The following LRMDA variants were observed in gnomAD, a reference collection of about 807,000 sequenced individuals.
LRMDA encodes leucine-rich melanocyte differentiation-associated protein.
LRMDA carries 18 observed loss-of-function variants against 29.8 expected under a neutral mutation model. The ratio of observed to expected loss-of-function variants is 0.60; its 90% confidence interval spans 0.42 to 0.90. LRMDA has a LOEUF of 0.90. Ranked by LOEUF, LRMDA falls within the 40% of genes least tolerant of loss-of-function variation. LRMDA has a pLI of 0.00. For missense variants in LRMDA, 273 were observed against 273.9 expected (o/e 1.00, Z 0.02); for synonymous variants, 125 against 109.4 (o/e 1.14, Z -0.89).
chr10:76,543,539 C>T (rs530030114), intron 6 of LRMDA, among the ~76,000 whole-genome samples: 34 of 152,228 alleles, frequency 2.2e-4, no homozygotes, highest in Non-Finnish European at 3.4e-4. Flanking sequence ...AGTTGGTTTA[C>T]TGATTGATTA....
chr10:75,557,740 A>G (rs1840232698), intron 2 of LRMDA, among the ~76,000 whole-genome samples: 1 of 152,078 alleles, frequency 6.6e-6, no homozygotes, highest in Non-Finnish European at 1.5e-5. Context: ...CCCAGCTGCG[A>G]TTTGTCCACC....
chr10:76,258,027 T>C (rs369428849), intron 5 of LRMDA, among the ~76,000 whole-genome samples: 18 of 152,246 alleles, frequency 1.2e-4, no homozygotes, highest in African/African-American at 3.6e-4. Context: ...TTGTATAACA[T>C]TTGTTAATGA....
intron 2 of LRMDA, among the ~76,000 whole-genome samples, chr10:76,001,305 T>C (rs539187744): frequency 6.6e-6 from 1 of 152,286 alleles, no homozygotes; most frequent in East Asian, 1.9e-4. Context: ...AGGCTGGATT[T>C]CCCACTAGCA....
At chr10:76,325,361 C>A (rs1840821226) in intron 6 of LRMDA, among the ~76,000 whole-genome samples, 2 of 152,256 alleles carry the variant, frequency 1.3e-5, no homozygotes, top group Non-Finnish European at 2.9e-5. Flanking sequence ...GTGGCTTGGA[C>A]CTGTGTTGCC....
chr10:75,972,715 G>A (rs929705651), intron 2 of LRMDA, among the ~76,000 whole-genome samples: 9 of 152,250 alleles, frequency 5.9e-5, no homozygotes, highest in African/African-American at 2.2e-4. Context: ...AAATACATGA[G>A]AGATCGGAGA....
rs962314463 is a variant in LRMDA at position 75,974,517 on chromosome 10, T to C, written c.132-61491T>C. Among the ~76,000 whole-genome samples the C allele has an allele frequency of 2.4e-4, 37 of 152,206 alleles. 1 individual carries two copies. Among genetic ancestry groups the C allele is most frequent in the East Asian group, 1.9e-4 (1 of 5,202 alleles). On this transcript the variant is annotated intron_variant, in intron 2 of 6. Transcript: ENST00000611255. ...CACCTAACTCATAGGGTTGCTGTTA[T>C]TGATAATCATGATTATTGCTTTTAT...
At chr10:76,488,051 A>G (rs1473807348) in intron 6 of LRMDA, among the ~76,000 whole-genome samples, 1 of 151,894 alleles carries the variant, frequency 6.6e-6, no homozygotes, top group Non-Finnish European at 1.5e-5. Context: ...CAGATTTTTT[A>G]AAATGCTGTT....
chr10:76,384,612 T>C (rs1841638031), intron 6 of LRMDA, among the ~76,000 whole-genome samples: 1 of 152,216 alleles, frequency 6.6e-6, no homozygotes, highest in Non-Finnish European at 1.5e-5. Context: ...GCTGTTTTCT[T>C]TGAGGCCAGT....
intron 5 of LRMDA, among the ~76,000 whole-genome samples, chr10:76,146,200 A>T (rs1260992579): frequency 6.6e-6 from 1 of 152,116 alleles, no homozygotes; most frequent in Non-Finnish European, 1.5e-5. Context: ...GTAGATTTCT[A>T]TTAGGTCCAC....
intron 5 of LRMDA, among the ~76,000 whole-genome samples, chr10:76,147,477 C>T (rs1403480178): frequency 5.3e-5 from 8 of 152,208 alleles, no homozygotes; most frequent in African/African-American, 7.2e-5. Context: ...TTGATGGCAT[C>T]GGCTACTGAG....
chr10:76,116,423 A>G (rs1849668766), intron 5 of LRMDA, among the ~76,000 whole-genome samples: 1 of 152,192 alleles, frequency 6.6e-6, no homozygotes, highest in African/African-American at 2.4e-5. Flanking sequence ...AGGTTCAGAG[A>G]AGGTAATGAC....
intron 6 of LRMDA, among the ~76,000 whole-genome samples, chr10:76,478,412 G>C (rs1476555806): frequency 1.3e-5 from 2 of 152,156 alleles, no homozygotes; most frequent in Non-Finnish European, 2.9e-5. Context: ...TGCTGGAGAG[G>C]ATGTGGAGAA....
At chr10:76,305,701 G>A (rs1453391659) in intron 5 of LRMDA, among the ~76,000 whole-genome samples, 1 of 152,158 alleles carries the variant, frequency 6.6e-6, no homozygotes, top group African/African-American at 2.4e-5. Context: ...TATGATACTT[G>A]ATTAGTCATT....
At chr10:75,445,544 T>C (rs1844382430) in intron 2 of LRMDA, among the ~76,000 whole-genome samples, 1 of 136,158 alleles carries the variant, frequency 7.3e-6, no homozygotes, top group Non-Finnish European at 1.6e-5. Context: ...CCTTTGTTAA[T>C]TAGTAAAGAT....
At chr10:75,902,974 G>C (rs1199187316) in intron 2 of LRMDA, among the ~76,000 whole-genome samples, 1 of 152,138 alleles carries the variant, frequency 6.6e-6, no homozygotes, top group African/African-American at 2.4e-5. Context: ...AGTCTGGCAG[G>C]GGGCATCAGT....
intron 5 of LRMDA, among the ~76,000 whole-genome samples, chr10:76,170,651 A>G (rs1850818293): frequency 6.6e-6 from 1 of 152,228 alleles, no homozygotes. Context: ...TTATTACTGG[A>G]GCATAAGTAA....
At chr10:75,944,220 A>G (rs902138527) in intron 2 of LRMDA, among the ~76,000 whole-genome samples, 16 of 152,188 alleles carry the variant, frequency 1.1e-4, no homozygotes, top group Non-Finnish European at 1.9e-4. Context: ...AGCAGTTTAC[A>G]GAGGCCATTC....
intron 6 of LRMDA, among the ~76,000 whole-genome samples, chr10:76,325,714 A>T (rs1160490977): frequency 6.6e-6 from 1 of 152,206 alleles, no homozygotes; most frequent in East Asian, 1.9e-4. Context: ...AATAAGTTGC[A>T]TAGAAACTGA....
At position 75,624,766 on chromosome 10, in the gene LRMDA, C is replaced by T. The variant is rs117288544; in HGVS notation, c.131+186272C>T. 6.6e-4 allele frequency among the ~76,000 whole-genome samples: 101 copies of T among 152,270 alleles called. 1 individual carries two copies. The East Asian group carries it at 0.017, about 26-fold the overall frequency. On this transcript the variant is annotated intron_variant, in intron 2 of 6. Transcript: ENST00000611255. ...CAGTGGGCACATTTTTCATCACTTT[C>T]CTCTGATAAATTTTCACTTGTGCAT...
Sources: allele counts gnomAD v4.1 joint callset (sites outside exome capture counted in the v4.1 genomes callset), GRCh38; gene constraint gnomAD v4.1.1; transcripts MANE v1.5; gene names NCBI Gene and HGNC (gene_info 2026-07-23, HGNC 2026-07-21).